Variants in NEO1 observed in about 807,000 individuals in gnomAD.
NEO1 encodes neogenin 1.
A neutral mutation model predicts 159.7 loss-of-function variants in NEO1; 63 were observed. The ratio of observed to expected loss-of-function variants is 0.39; its 90% CI spans 0.32 to 0.49. The LOEUF is 0.49. Among genes scored for constraint, NEO1 ranks in the 20% least tolerant of loss-of-function variants. The pLI, the probability that NEO1 is intolerant of heterozygous loss-of-function variation, is 0.85. For missense variants in NEO1, 1,615 were observed against 1,831.0 expected (o/e 0.88, Z 2.15); for synonymous variants, 633 against 662.0 (o/e 0.96, Z 0.67).
At chr15:73,278,060 T>C (rs2041497858) in intron 21 of NEO1, 71 bp from the exon 22 acceptor site, 2 of 1,354,450 alleles carry the variant, frequency 1.5e-6, no homozygotes, top group East Asian at 4.6e-5. Context: ...TTTAAAACAC[T>C]CCCTAGCTAT....
chr15:73,058,067 T>C (rs777757875), intron 1 of NEO1, among the ~76,000 whole-genome samples: 39 of 152,324 alleles, frequency 2.6e-4, no homozygotes, highest in Non-Finnish European at 4.9e-4. Context: ...CTACCTATTG[T>C]TTTTTCAACT....
chr15:73,122,174 A>G (rs2151653025), intron 2 of NEO1, among the ~76,000 whole-genome samples: 1 of 149,314 alleles, frequency 6.7e-6, no homozygotes, highest in African/African-American at 2.4e-5. Context: ...ACATACTTTT[A>G]TATTTATATA....
At chr15:73,198,529 T>C (rs915412356) in intron 7 of NEO1, among the ~76,000 whole-genome samples, 3 of 146,596 alleles carry the variant, frequency 2.0e-5, no homozygotes, top group Non-Finnish European at 4.5e-5. Flanking sequence ...AAGCTTTTGG[T>C]TTTTTTTTTT....
chr15:73,141,100 T>C (rs928023825), intron 5 of NEO1, among the ~76,000 whole-genome samples: 1 of 152,246 alleles, frequency 6.6e-6, no homozygotes, highest in Non-Finnish European at 1.5e-5. Flanking sequence ...GTTTACAGAT[T>C]ATAACTCATA....
At chr15:73,293,324 A>G (rs2042228229) in intron 25 of NEO1, 66 bp from the exon 26 acceptor site, 1 of 1,592,308 alleles carries the variant, frequency 6.3e-7, no homozygotes, top group African/African-American at 1.3e-5. Context: ...CTTTGCTCTT[A>G]AACTGTGATT....
Position 73,274,001 on chromosome 15 carries a change from TA to T in NEO1, c.3159del (p.Ala1054ArgfsTer25). 1 of 1,613,104 alleles carries T rather than the reference TA, an allele frequency of 6.2e-7. No individual in the cohort carries two copies. Among genetic ancestry groups the T allele is most frequent in the African/African-American group, 1.3e-5 (1 of 74,992 alleles). On this transcript the variant is annotated frameshift_variant, in exon 20 of 29. Transcript: ENST00000261908. LOFTEE classifies it high-confidence loss of function. ...MSEAVQFRTPKADSSDKMPND... is the reference protein window; with the variant it reads ...MSEAVQFRTPXADSSDKMPND... ...CTGAAGCTGTCCAATTCAGAACACC[TA>T]AAGGTAATGCTCCCCAAGCTGAGGG... is the stretch of plus-strand genomic sequence containing the variant.
At chr15:73,288,291 C>T (rs2042026158) in intron 23 of NEO1, 22 bp from the exon 24 acceptor site, 1 of 1,590,206 alleles carries the variant, frequency 6.3e-7, no homozygotes, top group East Asian at 2.2e-5. Flanking sequence ...TTTTTAAAAG[C>T]TCCTCTGAAC....
At chr15:73,203,017 T>C (rs1442641001) in intron 7 of NEO1, among the ~76,000 whole-genome samples, 1 of 152,230 alleles carries the variant, frequency 6.6e-6, no homozygotes, top group East Asian at 1.9e-4. Context: ...TGATTATCTG[T>C]TCATCCATCA....
chr15:73,066,853 C>G (rs1325356466), intron 1 of NEO1, among the ~76,000 whole-genome samples: 4 of 152,208 alleles, frequency 2.6e-5, no homozygotes, highest in Non-Finnish European at 4.4e-5. Context: ...GCCGATAGCT[C>G]TAGGCCAAAA....
chr15:73,131,436 T>G (rs189602916), intron 4 of NEO1, among the ~76,000 whole-genome samples: 1 of 152,362 alleles, frequency 6.6e-6, no homozygotes, highest in Admixed American at 6.5e-5. Context: ...ACAGTTTTCT[T>G]TTTTGCTTTT....
chr15:73,130,953 C>T (rs1425625951), intron 4 of NEO1, among the ~76,000 whole-genome samples: 1 of 152,178 alleles, frequency 6.6e-6, no homozygotes, highest in Non-Finnish European at 1.5e-5. Context: ...CTGGAACTCC[C>T]AACCCTGCTA....
At chr15:73,157,713 A>T (rs1473991960) in intron 5 of NEO1, among the ~76,000 whole-genome samples, 1 of 152,244 alleles carries the variant, frequency 6.6e-6, no homozygotes, top group Non-Finnish European at 1.5e-5. Flanking sequence ...TTGTCTACAC[A>T]CAATTTTTGT....
At chr15:73,183,148 A>G (rs1351245023) in intron 7 of NEO1, among the ~76,000 whole-genome samples, 1 of 152,118 alleles carries the variant, frequency 6.6e-6, no homozygotes, top group East Asian at 1.9e-4. Flanking sequence ...GCAGGAGACT[A>G]CAGAAAGCCA....
rs561417959 is a variant in NEO1, at chr15:73,218,857, T to A, written c.1292-17490T>A. Among the ~76,000 whole-genome samples the A allele has an allele frequency of 2.4e-3, 361 of 152,324 alleles. 3 individuals are homozygous for A. The highest frequency in any genetic ancestry group is 7.4e-3 in the African/African-American group (309 of 41,560). On this transcript the variant is annotated intron_variant, in intron 7 of 28. Coordinates refer to ENST00000261908, the MANE Select transcript of NEO1 (RefSeq NM_002499.4). ...GCTAGCAGTCTATCAATTTTGTTGA[T>A]CCTTTCAAAAAACCAGCTCCTGGAT...
chr15:73,176,322 A>G (rs1335365599), intron 5 of NEO1, 81 bp from the exon 6 acceptor site: 8 of 975,080 alleles, frequency 8.2e-6, no homozygotes, highest in Non-Finnish European at 9.9e-6. Context: ...TGTGGATTTT[A>G]TGATTTAAAA....
intron 9 of NEO1, among the ~76,000 whole-genome samples, chr15:73,244,977 A>AAAAAAAAAAAAAAAAAAAAAAAAAC (rs1555458859): frequency 1.8e-5 from 2 of 111,960 alleles, no homozygotes; most frequent in Non-Finnish European, 4.0e-5. Flanking sequence ...AAAAAAAAAA[A>AAAAAAAAAAAAAAAAAAAAAAAAAC]AAAAAACAAC....
chr15:73,062,481 G>A (rs536873954), intron 1 of NEO1, among the ~76,000 whole-genome samples: 1 of 152,264 alleles, frequency 6.6e-6, no homozygotes, highest in Non-Finnish European at 1.5e-5. Flanking sequence ...TAAGCAAACT[G>A]AGTAATTGGG....
chr15:73,096,735 A>G (rs1219340987), intron 1 of NEO1, among the ~76,000 whole-genome samples: 1 of 152,144 alleles, frequency 6.6e-6, no homozygotes, highest in South Asian at 2.1e-4. Flanking sequence ...ATGGGAAATC[A>G]TTAGGCATCC....
At position 73,244,462 on chromosome 15, in the gene NEO1, A is replaced by G. The variant is rs1311392344; in HGVS notation, c.1570A>G (p.Ser524Gly). 3 of 1,613,774 alleles carry G rather than the reference A, an allele frequency of 1.9e-6. No homozygotes were observed. In the African/African-American group the frequency reaches 4.0e-5, roughly 22 times the overall value. ...TCAAAATAAGCATGGCTCAGGAGAGAGTTCAGCTCCACTGCGAGTAGAAAC... is the reference window on the plus strand; with the variant it reads ...TCAAAATAAGCATGGCTCAGGAGAGGGTTCAGCTCCACTGCGAGTAGAAAC... ...MAQNKHGSGESSAPLRVETQP... is the reference protein window; with the variant it reads ...MAQNKHGSGEGSAPLRVETQP... The change falls in exon 9 of 29, where the codon AGT (serine) becomes GGT (glycine). Residue 524 changes from serine to glycine, a missense_variant. Physicochemically the swap from Ser to Gly is moderately conservative, Grantham distance 56. Around this residue, in one of 3 missense-constraint regions of NEO1, gnomAD observed 1,018 missense variants for 1,115.4 expected, o/e 0.91. Coordinates refer to ENST00000261908, the MANE Select transcript of NEO1 (RefSeq NM_002499.4).
Sources: allele counts gnomAD v4.1 joint callset (sites outside exome capture counted in the v4.1 genomes callset), GRCh38; gene constraint gnomAD v4.1.1; regional missense constraint gnomAD v4.1.1; transcripts MANE v1.5; gene names NCBI Gene and HGNC (gene_info 2026-07-23, HGNC 2026-07-21).